The following EPHA3 variants were observed in gnomAD, a reference collection of about 807,000 sequenced individuals.
EPHA3 encodes EPH receptor A3.
A neutral mutation model predicts 107.1 loss-of-function variants in EPHA3; 42 were observed. The observed-to-expected ratio is 0.39, with a 90% CI of 0.31 to 0.51. EPHA3 has a LOEUF of 0.51. Ranked by LOEUF, EPHA3 falls within the 20% of genes least tolerant of loss-of-function variation. EPHA3 has a pLI of 0.78. For synonymous variants in EPHA3, 461 were observed against 424.8 expected, an observed-to-expected ratio of 1.09 and a Z score of -1.05; for missense variants, 1,183 against 1,211.2, an observed-to-expected ratio of 0.98 and a Z score of 0.35.
At chr3:89,113,748 C>G (rs1488243226) in intron 1 of EPHA3, among the ~76,000 whole-genome samples, 1 of 79,432 alleles carries the variant, frequency 1.3e-5, no homozygotes, top group Non-Finnish European at 2.4e-5. Context: ...TGGGGGGGGG[C>G]TGCATTTCTT....
At chr3:89,470,427 T>C (rs1413206066) in intron 15 of EPHA3, among the ~76,000 whole-genome samples, 1 of 152,224 alleles carries the variant, frequency 6.6e-6, no homozygotes, top group Non-Finnish European at 1.5e-5. Flanking sequence ...AGCTAACACA[T>C]AGTGCTTATT....
At chr3:89,230,566 ATTC>A (rs1435497339) in intron 3 of EPHA3, among the ~76,000 whole-genome samples, 1 of 152,046 alleles carries the variant, frequency 6.6e-6, no homozygotes, top group Non-Finnish European at 1.5e-5. Flanking sequence ...ATCTATCCAA[ATTC>A]TTCTTTCTAT....
At chr3:89,373,098 A>T (rs1218117332) in intron 5 of EPHA3, among the ~76,000 whole-genome samples, 1 of 151,878 alleles carries the variant, frequency 6.6e-6, no homozygotes, top group African/African-American at 2.4e-5. Flanking sequence ...GGCACAAAAT[A>T]GTTTTCACGC....
intron 10 of EPHA3, among the ~76,000 whole-genome samples, chr3:89,415,410 A>C (rs1008119603): frequency 6.8e-6 from 1 of 148,022 alleles, no homozygotes; most frequent in African/African-American, 2.5e-5. Flanking sequence ...CATTGTTAGA[A>C]AGGCAAACCT....
chr3:89,390,340 T>A (rs754429127), intron 5 of EPHA3, among the ~76,000 whole-genome samples: 2 of 152,120 alleles, frequency 1.3e-5, no homozygotes, highest in Non-Finnish European at 2.9e-5. Flanking sequence ...GGCTCATGCC[T>A]GTAATGCTAG....
At chr3:89,263,109 C>T (rs1705459774) in intron 3 of EPHA3, among the ~76,000 whole-genome samples, 1 of 151,486 alleles carries the variant, frequency 6.6e-6, no homozygotes, top group Non-Finnish European at 1.5e-5. Context: ...GGTATTTCTC[C>T]TAATGCTACC....
chr3:89,357,747 C>T (rs1215530810), intron 5 of EPHA3, among the ~76,000 whole-genome samples: 2 of 151,044 alleles, frequency 1.3e-5, no homozygotes, highest in Admixed American at 6.6e-5. Context: ...TCCATTAACT[C>T]CCAGTTAAAA....
chr3:89,152,014 ATT>A, intron 2 of EPHA3, among the ~76,000 whole-genome samples: 1 of 152,100 alleles, frequency 6.6e-6, no homozygotes, highest in East Asian at 1.9e-4. Flanking sequence ...AAATTTTAAT[ATT>A]GTTTGGTAGA....
chr3:89,431,324 C>G lies in EPHA3; in HGVS notation c.2311C>G (p.Leu771Val). The change falls in exon 13 of 17, where the codon CTG becomes GTG. Residue 771 changes from leucine to valine, a missense_variant. Transcript: ENST00000336596. Reference sequence around the variant, plus strand: ...TTCTGATTTCGGACTTTCGCGTGTCCTGGAGGATGACCCAGAAGCTGCTTA... The same window carrying G: ...TTCTGATTTCGGACTTTCGCGTGTCGTGGAGGATGACCCAGAAGCTGCTTA... ...KVSDFGLSRV[L>V]EDDPEAAYTT... 6.2e-7 allele frequency: 1 copy of G among 1,613,476 alleles called. No homozygotes were observed. The highest frequency in any genetic ancestry group is 1.7e-5 in the Admixed American group (1 of 59,882).
intron 2 of EPHA3, among the ~76,000 whole-genome samples, chr3:89,131,207 C>T (rs1012422065): frequency 5.9e-5 from 9 of 152,084 alleles, no homozygotes; most frequent in African/African-American, 1.9e-4. Context: ...TATTTGGTGA[C>T]TTTAGCAAAG....
chr3:89,384,572 A>G (rs1183085566), intron 5 of EPHA3, among the ~76,000 whole-genome samples: 1 of 152,216 alleles, frequency 6.6e-6, no homozygotes, highest in Non-Finnish European at 1.5e-5. Flanking sequence ...TTTCATACAT[A>G]AAATTAAGAA....
chr3:89,476,132 T>G (rs1710500044), intron 16 of EPHA3, among the ~76,000 whole-genome samples: 1 of 147,374 alleles, frequency 6.8e-6, no homozygotes, highest in Non-Finnish European at 1.5e-5. Context: ...AAAATATATA[T>G]TATATATTAT....
At chr3:89,144,498 G>GT (rs1052356736) in intron 2 of EPHA3, among the ~76,000 whole-genome samples, 5 of 151,578 alleles carry the variant, frequency 3.3e-5, no homozygotes, top group Non-Finnish European at 7.4e-5. Flanking sequence ...TTTGAACTTA[G>GT]TTTTCTTTTG....
intron 3 of EPHA3, among the ~76,000 whole-genome samples, chr3:89,270,364 A>G (rs1705639891): frequency 6.6e-6 from 1 of 152,060 alleles, no homozygotes; most frequent in African/African-American, 2.4e-5. Context: ...TCCTTCTGCC[A>G]GGACTTCCAC....
chr3:89,296,841 A>T (rs1447399136), intron 3 of EPHA3, among the ~76,000 whole-genome samples: 11 of 152,316 alleles, frequency 7.2e-5, no homozygotes, highest in African/African-American at 2.4e-4. Context: ...TTTATCAATT[A>T]TCTTAGCTAG....
chr3:89,137,398 C>T (rs7641811), intron 2 of EPHA3, among the ~76,000 whole-genome samples: 35,300 of 151,526 alleles, frequency 0.23, 4,241 homozygotes, highest in Middle Eastern at 0.32. Context: ...TATTTGGACC[C>T]TTAGGCTTAT....
At chr3:89,268,540 G>GT (rs199669180) in intron 3 of EPHA3, among the ~76,000 whole-genome samples, 46 of 149,910 alleles carry the variant, frequency 3.1e-4, no homozygotes, top group East Asian at 1.8e-3. Context: ...TCATGTTTCT[G>GT]TTTTTTTTTA....
intron 13 of EPHA3, among the ~76,000 whole-genome samples, chr3:89,439,750 CACACAT>C (rs763749785): frequency 1.3e-5 from 2 of 151,046 alleles, no homozygotes; most frequent in East Asian, 1.9e-4. Flanking sequence ...CACACACACA[CACACAT>C]ATATATATGT....
chr3:89,379,408 A>C (rs149151958), intron 5 of EPHA3, among the ~76,000 whole-genome samples: 2,429 of 152,212 alleles, frequency 0.016, 66 homozygotes, highest in African/African-American at 0.055. Flanking sequence ...CATATTCCCC[A>C]CCTGCACCCT....
Sources: allele counts gnomAD v4.1 joint callset (sites outside exome capture counted in the v4.1 genomes callset), GRCh38; gene constraint gnomAD v4.1.1; transcripts MANE v1.5; gene names NCBI Gene and HGNC (gene_info 2026-07-23, HGNC 2026-07-21).